Variants in DNAH7 observed in about 807,000 individuals in gnomAD.
DNAH7 encodes the protein axonemal beta dynein heavy chain 7.
A neutral mutation model predicts 444.6 loss-of-function variants in DNAH7; 397 were observed. The observed-to-expected ratio is 0.89, with a 90% CI of 0.82 to 0.97. The LOEUF is 0.97. Among genes scored for constraint, DNAH7 ranks in the 50% least tolerant of loss-of-function variants. The pLI, the probability that DNAH7 is intolerant of heterozygous loss-of-function variation, is 0.00. For missense variants in DNAH7, 4,902 were observed against 4,800.8 expected, an observed-to-expected ratio of 1.02 and a Z score of -0.62; for synonymous variants, 1,636 against 1,624.4, an observed-to-expected ratio of 1.01 and a Z score of -0.17.
At chr2:196,041,102 A>T (rs1354647417) in intron 5 of DNAH7, among the ~76,000 whole-genome samples, 2 of 152,154 alleles carry the variant, frequency 1.3e-5, no homozygotes. Flanking sequence ...TGGAAAAATT[A>T]TTATTGTTAA....
At chr2:195,842,347 G>A (rs1178899823) in intron 47 of DNAH7, among the ~76,000 whole-genome samples, 3 of 151,744 alleles carry the variant, frequency 2.0e-5, no homozygotes, top group South Asian at 2.1e-4. Flanking sequence ...CTAAATAATC[G>A]TCTCCTCACT....
At chr2:195,921,394 CCAT>C (rs1559226111) in intron 24 of DNAH7, among the ~76,000 whole-genome samples, 1 of 147,256 alleles carries the variant, frequency 6.8e-6, no homozygotes, top group African/African-American at 2.6e-5. Context: ...CACACACACA[CCAT>C]GGAATACTAC....
chr2:196,025,928 CT>C (rs1695659316), intron 7 of DNAH7, among the ~76,000 whole-genome samples: 1 of 152,070 alleles, frequency 6.6e-6, no homozygotes, highest in African/African-American at 2.4e-5. Context: ...ACTGGAGACG[CT>C]TTTTTTAAAG....
intron 5 of DNAH7, among the ~76,000 whole-genome samples, chr2:196,043,522 G>T (rs1175510872): frequency 6.6e-6 from 1 of 152,088 alleles, no homozygotes; most frequent in Non-Finnish European, 1.5e-5. Flanking sequence ...TCATGACCAA[G>T]AATCCAAAAG....
chr2:195,858,054 TC>T (rs965052405), intron 43 of DNAH7, among the ~76,000 whole-genome samples: 1 of 151,750 alleles, frequency 6.6e-6, no homozygotes, highest in Non-Finnish European at 1.5e-5. Flanking sequence ...ATTTTATGTA[TC>T]CCCCCAAAAA....
chr2:195,861,556 C>G (rs1700017074), intron 42 of DNAH7, among the ~76,000 whole-genome samples, 161 bp downstream of exon 42: 2 of 152,104 alleles, frequency 1.3e-5, no homozygotes, highest in Admixed American at 6.6e-5. Flanking sequence ...AAGACCCCTC[C>G]CTAAATTCAA....
intron 28 of DNAH7, among the ~76,000 whole-genome samples, chr2:195,898,411 T>C (rs1465574163): frequency 6.6e-6 from 1 of 152,244 alleles, no homozygotes; most frequent in East Asian, 1.9e-4. Context: ...ACACACTTCT[T>C]ATCAACATCT....
At chr2:195,806,675 T>G in intron 54 of DNAH7, 65 bp downstream of exon 54, 2 of 1,392,592 alleles carry the variant, frequency 1.4e-6, no homozygotes, top group East Asian at 2.4e-5. Context: ...GAAACGCACA[T>G]TTGGATGGAC....
chr2:195,997,132 TA>T (rs1693742751), intron 12 of DNAH7, among the ~76,000 whole-genome samples: 1 of 152,204 alleles, frequency 6.6e-6, no homozygotes, highest in South Asian at 2.1e-4. Context: ...TTCTTAAATT[TA>T]TTAATAGCCT....
intron 47 of DNAH7, among the ~76,000 whole-genome samples, chr2:195,840,029 A>C (rs773845540): frequency 4.0e-5 from 6 of 151,800 alleles, no homozygotes; most frequent in Non-Finnish European, 7.4e-5. Flanking sequence ...CATTACTCTG[A>C]AAGCAAAACC....
At chr2:195,806,711 A>G (rs1696731299) in intron 54 of DNAH7, 29 bp downstream of exon 54, 2 of 1,592,596 alleles carry the variant, frequency 1.3e-6, no homozygotes, top group South Asian at 2.2e-5. Context: ...CTTTGGAATC[A>G]TTGAGCTGTT....
chr2:195,945,886 G>A (rs1689768720), intron 19 of DNAH7, among the ~76,000 whole-genome samples: 1 of 152,164 alleles, frequency 6.6e-6, no homozygotes, highest in Non-Finnish European at 1.5e-5. Flanking sequence ...AGCATGCAGA[G>A]AGGGATTATC....
chr2:196,042,176 A>G (rs1696808222), intron 5 of DNAH7, among the ~76,000 whole-genome samples: 1 of 151,998 alleles, frequency 6.6e-6, no homozygotes, highest in Non-Finnish European at 1.5e-5. Context: ...AAAACTAAAC[A>G]TAGAATTATT....
At chr2:195,885,334 C>G (rs1701643084) in intron 34 of DNAH7, among the ~76,000 whole-genome samples, 1 of 152,056 alleles carries the variant, frequency 6.6e-6, no homozygotes, top group African/African-American at 2.4e-5. Context: ...AAAGAGGAAA[C>G]AGAGTAGAAG....
At chr2:196,047,639 T>TCACATGCTTAAAATAAGATGCTAAA in intron 4 of DNAH7, 140 bp from the exon 5 acceptor site, 1 of 667,412 alleles carries the variant, frequency 1.5e-6, no homozygotes, top group Non-Finnish European at 2.2e-6. Flanking sequence ...AATTTTTTTT[T>TCACATGCTTAAAATAAGATGCTAAA]TTTACTATCA....
intron 63 of DNAH7, among the ~76,000 whole-genome samples, chr2:195,745,361 G>C (rs1693331392): frequency 6.6e-6 from 1 of 152,228 alleles, no homozygotes; most frequent in African/African-American, 2.4e-5. Context: ...TATGTGAAAA[G>C]ACCAAATCTA....
intron 63 of DNAH7, among the ~76,000 whole-genome samples, chr2:195,751,303 CTGTT>C (rs1693783097): frequency 6.6e-6 from 1 of 152,106 alleles, no homozygotes; most frequent in South Asian, 2.1e-4. Context: ...TGCAATAAAA[CTGTT>C]TAAGTATTAG....
chr2:195,875,662 T>C lies in DNAH7; in HGVS notation c.6286+13A>G. The C allele has an allele frequency of 6.5e-7, 1 of 1,544,130 alleles. No homozygotes were observed. Reference sequence around the variant, plus strand: ...TTTTTCCATCTTAGTAATCACAAACTCAAAAAATGTACCTGGAGGTCCCAT... The same window carrying C: ...TTTTTCCATCTTAGTAATCACAAACCCAAAAAATGTACCTGGAGGTCCCAT... On this transcript the variant is annotated intron_variant, in intron 38 of 64. Transcript: ENST00000312428.
rs189549056 is a variant in DNAH7, at chr2:196,050,021, G to T, written c.141+1166C>A. Among the ~76,000 whole-genome samples, 330 of 152,226 alleles carry T rather than the reference G, an allele frequency of 2.2e-3. 1 individual carries two copies. The highest frequency in any genetic ancestry group is 3.5e-3 in the Non-Finnish European group (235 of 68,010). On this transcript the variant is annotated intron_variant, in intron 3 of 64. Transcript: ENST00000312428. ...TCAATAAAAGCATATTTTCAATTAAGATTTGTATTTTTAAATGTTCAATAT... is the reference window on the plus strand; with the variant it reads ...TCAATAAAAGCATATTTTCAATTAATATTTGTATTTTTAAATGTTCAATAT...
Sources: allele counts gnomAD v4.1 joint callset (sites outside exome capture counted in the v4.1 genomes callset), GRCh38; gene constraint gnomAD v4.1.1; transcripts MANE v1.5; gene names NCBI Gene and HGNC (gene_info 2026-07-23, HGNC 2026-07-21).